ROR1: variants seen among roughly 807,000 people sequenced by gnomAD.
ROR1 encodes ROR family WNT receptor 1.
In ROR1, 19 loss-of-function variants were observed where a neutral mutation model predicts 78.8. That is an observed-to-expected ratio of 0.24 (90% confidence interval 0.17 to 0.35). ROR1 has a LOEUF of 0.35. Among genes scored for constraint, ROR1 ranks in the 10% least tolerant of loss-of-function variants. ROR1 has a pLI of 1.00. For synonymous variants in ROR1, 386 were observed against 433.6 expected (o/e 0.89, Z 1.36); for missense variants, 917 against 1,177.8 (o/e 0.78, Z 3.24).
At chr1:64,051,164 A>C (rs1229158263) in intron 4 of ROR1, among the ~76,000 whole-genome samples, 1 of 152,142 alleles carries the variant, frequency 6.6e-6, no homozygotes, top group Admixed American at 6.6e-5. Flanking sequence ...CAAAAGCAGA[A>C]GTTCTGGCTG....
chr1:63,802,121 A>C (rs1206619555), intron 1 of ROR1, among the ~76,000 whole-genome samples: 4 of 152,236 alleles, frequency 2.6e-5, no homozygotes, highest in Non-Finnish European at 5.9e-5. Flanking sequence ...CAGAAGCAAC[A>C]ACTCGTCTTA....
intron 1 of ROR1, among the ~76,000 whole-genome samples, chr1:63,853,316 C>T (rs867835521): frequency 6.6e-6 from 1 of 152,140 alleles, no homozygotes. Flanking sequence ...TTGTTAGCCT[C>T]GTTTTATAGA....
At chr1:64,052,201 T>C (rs967592457) in intron 4 of ROR1, among the ~76,000 whole-genome samples, 18 of 152,186 alleles carry the variant, frequency 1.2e-4, no homozygotes, top group Non-Finnish European at 2.4e-4. Flanking sequence ...TTTTTTTTTT[T>C]TCAATGGTCT....
At chr1:63,984,030 A>T (rs890211339) in intron 1 of ROR1, among the ~76,000 whole-genome samples, 21 of 152,168 alleles carry the variant, frequency 1.4e-4, no homozygotes, top group African/African-American at 5.1e-4. Flanking sequence ...GTTTATTAAC[A>T]TACTGTACTT....
chr1:64,150,283 T>G (rs1382313565), intron 7 of ROR1, among the ~76,000 whole-genome samples: 1 of 151,758 alleles, frequency 6.6e-6, no homozygotes, highest in African/African-American at 2.4e-5. Flanking sequence ...TTGGCTCCAT[T>G]TGGAGTTTTC....
intron 1 of ROR1, among the ~76,000 whole-genome samples, chr1:63,926,118 G>T (rs1175021946): frequency 1.3e-5 from 2 of 151,996 alleles, no homozygotes; most frequent in East Asian, 3.9e-4. Flanking sequence ...GTAATGCCTA[G>T]GTTTTCTTCT....
chr1:64,125,796 G>T (rs1193974156), intron 4 of ROR1, among the ~76,000 whole-genome samples: 2 of 152,194 alleles, frequency 1.3e-5, no homozygotes, highest in Non-Finnish European at 2.9e-5. Context: ...GTTGGAATCT[G>T]TAGGAGGTCT....
chr1:63,784,699 C>T (rs372970643), intron 1 of ROR1, among the ~76,000 whole-genome samples: 24 of 152,300 alleles, frequency 1.6e-4, no homozygotes, highest in African/African-American at 5.8e-4. Flanking sequence ...CTGAGACTGG[C>T]TTTCCTCACG....
chr1:64,047,671 C>G (rs569440507), intron 2 of ROR1, among the ~76,000 whole-genome samples: 1 of 152,348 alleles, frequency 6.6e-6, no homozygotes, highest in East Asian at 1.9e-4. Context: ...ATAGAGCCAT[C>G]TGCTAATTAG....
At chr1:63,902,481 C>CCAA (rs1645493415) in intron 1 of ROR1, among the ~76,000 whole-genome samples, 1 of 150,340 alleles carries the variant, frequency 6.7e-6, no homozygotes, top group Admixed American at 6.6e-5. Flanking sequence ...CCATGCCCAG[C>CCAA]TATTTTTTTT....
chr1:64,159,305 T>C, intron 8 of ROR1, 113 bp downstream of exon 8: 1 of 820,374 alleles, frequency 1.2e-6, no homozygotes, highest in South Asian at 1.6e-5. Context: ...GTTTTATAAG[T>C]GCTAAGGTTC....
At chr1:63,988,619 T>C (rs1646269758) in intron 1 of ROR1, among the ~76,000 whole-genome samples, 1 of 152,182 alleles carries the variant, frequency 6.6e-6, no homozygotes, top group South Asian at 2.1e-4. Context: ...CTCTGACCCA[T>C]TAAACACTAA....
chr1:63,848,272 T>G (rs1645093711), intron 1 of ROR1, among the ~76,000 whole-genome samples: 1 of 152,250 alleles, frequency 6.6e-6, no homozygotes, highest in African/African-American at 2.4e-5. Flanking sequence ...AAAAGGCGTC[T>G]TCATTTTTAA....
At chr1:64,084,771 T>C (rs557476687) in intron 4 of ROR1, among the ~76,000 whole-genome samples, 1 of 152,354 alleles carries the variant, frequency 6.6e-6, no homozygotes, top group Non-Finnish European at 1.5e-5. Context: ...CAAAGCTCTT[T>C]ATTCTGCTGA....
At chr1:64,113,707 G>T (rs746356252) in intron 4 of ROR1, 1 of 151,032 alleles carries the variant, frequency 6.6e-6, no homozygotes, top group Non-Finnish European at 1.5e-5. Context: ...TGGCTTCAAA[G>T]ACCCTCATTT....
chr1:63,832,425 G>T (rs1644994039), intron 1 of ROR1, among the ~76,000 whole-genome samples: 1 of 152,246 alleles, frequency 6.6e-6, no homozygotes, highest in South Asian at 2.1e-4. Flanking sequence ...GGAGGCCTCA[G>T]GAAACTTACA....
At position 64,097,354 on chromosome 1, in the gene ROR1, T is replaced by C. The variant is rs1238880010; in HGVS notation, c.483-40015T>C. Among the ~76,000 whole-genome samples, 7 of 152,260 alleles carry C rather than the reference T, an allele frequency of 4.6e-5. No individual in the cohort carries two copies. The East Asian group carries it at 7.7e-4, about 17-fold the overall frequency. Reference sequence around the variant, plus strand: ...TATTTAAAGGATGTTTATATTCCACTGGACCCACCCAAAAAATTCAGGAGA... The same window carrying C: ...TATTTAAAGGATGTTTATATTCCACCGGACCCACCCAAAAAATTCAGGAGA... On this transcript the variant is annotated intron_variant, in intron 4 of 8. Coordinates refer to ENST00000371079, the MANE Select transcript of ROR1 (RefSeq NM_005012.4).
intron 2 of ROR1, among the ~76,000 whole-genome samples, chr1:64,049,199 C>G (rs1646808659): frequency 6.6e-6 from 1 of 152,126 alleles, no homozygotes; most frequent in Non-Finnish European, 1.5e-5. Context: ...TTTCAGGCAT[C>G]CTTTCTGATC....
chr1:64,138,825 A>G (rs557803366), intron 5 of ROR1, among the ~76,000 whole-genome samples: 5 of 152,126 alleles, frequency 3.3e-5, no homozygotes, highest in Non-Finnish European at 7.4e-5. Flanking sequence ...AACCTAATGT[A>G]AGAATGCCTT....
Sources: gnomAD v4.1 joint callset for allele counts (sites outside exome capture counted in the v4.1 genomes callset) on GRCh38, gnomAD v4.1.1 for gene constraint, MANE v1.5 for transcripts, NCBI Gene and HGNC (gene_info 2026-07-23, HGNC 2026-07-21) for gene names.